FSTL5: variants seen among roughly 807,000 people sequenced by gnomAD.
FSTL5 encodes follistatin like 5.
Under a neutral mutation model 89.1 loss-of-function variants are expected in FSTL5, and 62 were observed. The observed-to-expected ratio is 0.70, with a 90% CI of 0.57 to 0.86. The LOEUF (loss-of-function observed/expected upper bound fraction) is 0.86. FSTL5 is among the 40% of genes least tolerant of loss of function. The pLI is 0.00. For missense variants in FSTL5, 1,057 were observed against 1,001.6 expected (o/e 1.06, Z -0.75); for synonymous variants, 383 against 346.2 (o/e 1.11, Z -1.18).
At chr4:161,649,556 A>AATAT (rs1736265399) in intron 7 of FSTL5, among the ~76,000 whole-genome samples, 2 of 152,228 alleles carry the variant, frequency 1.3e-5, no homozygotes, top group African/African-American at 4.8e-5. Flanking sequence ...AATTTGAAAT[A>AATAT]CAATAGATAA....
intron 4 of FSTL5, among the ~76,000 whole-genome samples, chr4:161,815,808 A>G (rs978128395): frequency 6.6e-6 from 1 of 152,214 alleles, no homozygotes; most frequent in Non-Finnish European, 1.5e-5. Flanking sequence ...TTAAAATATT[A>G]CTAAATTTCA....
intron 3 of FSTL5, among the ~76,000 whole-genome samples, chr4:161,927,492 C>T (rs1341573652): frequency 1.3e-5 from 2 of 150,894 alleles, no homozygotes; most frequent in African/African-American, 4.9e-5. Flanking sequence ...GTCAGTCCAG[C>T]AATATGGTTA....
chr4:161,754,304 G>T (rs1171124642), intron 6 of FSTL5, among the ~76,000 whole-genome samples: 1 of 151,950 alleles, frequency 6.6e-6, no homozygotes, highest in African/African-American at 2.4e-5. Flanking sequence ...TACATATAAA[G>T]ATCATGTTGA....
intron 3 of FSTL5, among the ~76,000 whole-genome samples, chr4:161,929,685 G>GTATA (rs34924590): frequency 0.27 from 40,622 of 149,120 alleles, 6,473 homozygotes; most frequent in Non-Finnish European, 0.33. Flanking sequence ...GTGTGTGTGT[G>GTATA]TGTGTGTGTG....
chr4:161,517,747 C>T (rs918159770), intron 10 of FSTL5, among the ~76,000 whole-genome samples: 28 of 151,286 alleles, frequency 1.9e-4, no homozygotes, highest in Non-Finnish European at 3.4e-4. Flanking sequence ...TTTTGCTTGT[C>T]CTTCTCCTTT....
At chr4:161,651,095 C>T (rs754827237) in intron 7 of FSTL5, among the ~76,000 whole-genome samples, 24 of 151,996 alleles carry the variant, frequency 1.6e-4, no homozygotes, top group South Asian at 4.1e-4. Context: ...TCTTTATGCT[C>T]GCCTCAGCTT....
At chr4:161,687,583 T>G (rs1737789002) in intron 6 of FSTL5, among the ~76,000 whole-genome samples, 1 of 152,174 alleles carries the variant, frequency 6.6e-6, no homozygotes, top group Non-Finnish European at 1.5e-5. Flanking sequence ...AATTTTTCAT[T>G]TTGTAGCATT....
Position 161,775,944 on chromosome 4 carries a change from C to T in FSTL5, c.540G>A (p.Val180=), listed in dbSNP as rs578040125. Reference sequence around the variant, plus strand: ...CATCAAAATATTTAAACATTTGATCCACCAATAGCTTCTTCCGAGATATGT... The same window carrying T: ...CATCAAAATATTTAAACATTTGATCTACCAATAGCTTCTTCCGAGATATGT... The part of the protein sequence containing the change: ...GDDISRKKLL[V]DQMFKYFDAD... Residue 180 remains valine (V), a synonymous_variant, in exon 5 of 16, where the codon GTG becomes GTA. Coordinates refer to ENST00000306100, the MANE Select transcript of FSTL5 (RefSeq NM_020116.5). 1.9e-6 allele frequency: 3 copies of T among 1,604,824 alleles called. No homozygotes were observed. The highest frequency in any genetic ancestry group is 1.3e-5 in the African/African-American group (1 of 74,584).
At chr4:161,668,783 A>G (rs1736983204) in intron 6 of FSTL5, among the ~76,000 whole-genome samples, 1 of 152,168 alleles carries the variant, frequency 6.6e-6, no homozygotes, top group Admixed American at 6.5e-5. Context: ...AGATTTATAT[A>G]AAAAATTTTA....
At chr4:161,719,519 GC>G (rs1312817349) in intron 6 of FSTL5, among the ~76,000 whole-genome samples, 1 of 152,106 alleles carries the variant, frequency 6.6e-6, no homozygotes, top group African/African-American at 2.4e-5. Flanking sequence ...TGTAAAAAAT[GC>G]CATTAGAATT....
chr4:161,674,637 T>A (rs905623454), intron 6 of FSTL5, among the ~76,000 whole-genome samples: 1 of 152,188 alleles, frequency 6.6e-6, no homozygotes, highest in African/African-American at 2.4e-5. Flanking sequence ...TATGTCACAC[T>A]GCAAAGTGTC....
At position 161,763,077 on chromosome 4, in the gene FSTL5, C is replaced by T. The variant is rs567385131; in HGVS notation, c.607-3546G>A. Among the ~76,000 whole-genome samples, 16 of 152,174 alleles carry T rather than the reference C, an allele frequency of 1.1e-4. No homozygotes were observed. The East Asian group carries it at 2.1e-3, about 20-fold the overall frequency. On this transcript the variant is annotated intron_variant, in intron 5 of 15. Transcript: ENST00000306100. The stretch of plus-strand genomic sequence containing the variant: ...CAAACAATAAAAAAACTTGACCATC[C>T]GCAAAATGAACTATTCTCTTTACTG...
At chr4:161,594,499 T>TA (rs2126615498) in intron 7 of FSTL5, among the ~76,000 whole-genome samples, 1 of 152,204 alleles carries the variant, frequency 6.6e-6, no homozygotes, top group East Asian at 1.9e-4. Flanking sequence ...CTGCAACTTT[T>TA]AAAGTGTTTT....
chr4:162,152,205 CGTT>C (rs1385540617), intron 1 of FSTL5, among the ~76,000 whole-genome samples: 1 of 152,070 alleles, frequency 6.6e-6, no homozygotes, highest in South Asian at 2.1e-4. Flanking sequence ...AATTTGAAAT[CGTT>C]GTTGTCATGA....
At chr4:161,673,236 G>A (rs1426806562) in intron 6 of FSTL5, among the ~76,000 whole-genome samples, 1 of 151,922 alleles carries the variant, frequency 6.6e-6, no homozygotes. Flanking sequence ...TTTTCTATGG[G>A]ACATTTGATT....
chr4:161,411,661 A>G (rs1261450754), intron 15 of FSTL5, among the ~76,000 whole-genome samples: 2 of 152,210 alleles, frequency 1.3e-5, no homozygotes, highest in Non-Finnish European at 2.9e-5. Context: ...AACCCTCAGC[A>G]GACTAGGCAT....
In FSTL5 at chr4:161,476,189, G is replaced by GTTTTTTT. The variant is rs1241724019; in HGVS notation, c.1608+4830_1608+4831insAAAAAAA. 1.0e-4 allele frequency among the ~76,000 whole-genome samples: 11 copies of GTTTTTTT among 106,902 alleles called. 1 individual carries two copies. The highest frequency in any genetic ancestry group is 3.4e-4 in the African/African-American group (9 of 26,628). 70.1% of individuals were successfully genotyped at this position (106,902 alleles called of 152,430 possible). On this transcript the variant is annotated intron_variant, in intron 13 of 15. Coordinates refer to ENST00000306100, the MANE Select transcript of FSTL5 (RefSeq NM_020116.5). The stretch of plus-strand genomic sequence containing the variant: ...AGTTTGCTGGTTTTTTTTTTTTTTT[G>GTTTTTTT]TTTGTTTGTTTTTTTGAGAAAGAGT...
At chr4:162,126,852 G>A (rs979841607) in intron 1 of FSTL5, among the ~76,000 whole-genome samples, 1 of 152,062 alleles carries the variant, frequency 6.6e-6, no homozygotes, top group African/African-American at 2.4e-5. Flanking sequence ...GTGCATGTGG[G>A]CCTGACAGAT....
chr4:161,589,062 C>G (rs1029925951), intron 7 of FSTL5, among the ~76,000 whole-genome samples: 1 of 149,246 alleles, frequency 6.7e-6, no homozygotes, highest in Non-Finnish European at 1.5e-5. Context: ...GATCTTGGCT[C>G]ACTGCAATCT....
Sources: allele counts gnomAD v4.1 joint callset (sites outside exome capture counted in the v4.1 genomes callset), GRCh38; gene constraint gnomAD v4.1.1; transcripts MANE v1.5; gene names NCBI Gene and HGNC (gene_info 2026-07-23, HGNC 2026-07-21).